Variants in CA8 observed in about 807,000 individuals in gnomAD.
CA8 encodes carbonic anhydrase-related protein.
Under a neutral mutation model 41.4 loss-of-function variants are expected in CA8, and 22 were observed. The observed-to-expected ratio is 0.53, with a 90% CI of 0.38 to 0.76. The LOEUF is 0.76. Among genes scored for constraint, CA8 ranks in the 30% least tolerant of loss-of-function variants. The pLI is 0.00. For missense variants in CA8, 270 were observed against 352.8 expected (o/e 0.77, Z 1.88); for synonymous variants, 121 against 130.6 (o/e 0.93, Z 0.50).
intron 8 of CA8, among the ~76,000 whole-genome samples, chr8:60,205,148 T>A (rs968345630): frequency 1.1e-4 from 16 of 152,306 alleles, no homozygotes; most frequent in South Asian, 6.2e-4. Context: ...ACCCCATTTT[T>A]CTGGCTTTGT....
chr8:60,267,432 C>T (rs1002131392), intron 2 of CA8, among the ~76,000 whole-genome samples: 4 of 152,184 alleles, frequency 2.6e-5, no homozygotes, highest in Admixed American at 2.6e-4. Flanking sequence ...TTCACATCAA[C>T]AGGAAAGGGA....
rs1554573722 is a variant in CA8, at chr8:60,190,957, T to TATATATATATATATATACAC, written c.*36-973_*36-972insGTGTATATATATATATATAT. On this transcript the variant is annotated intron_variant, in intron 8 of 8. Coordinates refer to ENST00000317995, the MANE Select transcript of CA8 (RefSeq NM_004056.6). Reference sequence around the variant, plus strand: ...CACACACTATATATATATATATATATACACACACACATTTCTACATATGCA... The same window carrying TATATATATATATATATACAC: ...CACACACTATATATATATATATATATATATATATATATATATACACACACACACACATTTCTACATATGCA... 2.0e-3 allele frequency among the ~76,000 whole-genome samples: 213 copies of TATATATATATATATATACAC among 104,186 alleles called. 4 individuals carry two copies. Among genetic ancestry groups the TATATATATATATATATACAC allele is most frequent in the South Asian group, 8.3e-3 (27 of 3,246 alleles). The allele number at this position is 104,186 out of a possible 152,430, so 68.4% of individuals were successfully genotyped here.
intron 7 of CA8, among the ~76,000 whole-genome samples, chr8:60,217,697 A>G (rs537852465): frequency 6.2e-4 from 95 of 152,212 alleles, no homozygotes; most frequent in African/African-American, 2.1e-3. Flanking sequence ...TTGATTCCCT[A>G]TCATGGTAGA....
chr8:60,209,566 T>A (rs1308538517), intron 7 of CA8, among the ~76,000 whole-genome samples: 1 of 152,216 alleles, frequency 6.6e-6, no homozygotes, highest in African/African-American at 2.4e-5. Flanking sequence ...CAAATGAATG[T>A]GCTCTTAAAT....
At chr8:60,204,779 G>C (rs114990758) in intron 8 of CA8, among the ~76,000 whole-genome samples, 2,758 of 152,284 alleles carry the variant, frequency 0.018, 90 homozygotes, top group African/African-American at 0.062. Context: ...TATCAGAGGA[G>C]AGTCCAAGTT....
chr8:60,208,770 T>C lies in CA8; in HGVS notation c.*15A>G, dbSNP rs1205893746. ...CATACCCTCATGAAGACAGACTTGT[T>C]CCTGTCCTCTTTGGCTACTGAAATG... On this transcript the variant is annotated 3_prime_UTR_variant, in exon 8 of 9. Transcript: ENST00000317995. 1.3e-5 allele frequency: 21 copies of C among 1,614,158 alleles called. No individual in the cohort carries two copies. The highest frequency in any genetic ancestry group is 1.7e-5 in the Non-Finnish European group (20 of 1,179,996).
At chr8:60,277,083 C>T (rs1343614350) in intron 2 of CA8, among the ~76,000 whole-genome samples, 1 of 148,056 alleles carries the variant, frequency 6.8e-6, no homozygotes, top group African/African-American at 2.5e-5. Context: ...CGCACCATTG[C>T]ACTCCAGCCT....
chr8:60,260,739 T>C (rs970461728), intron 3 of CA8, among the ~76,000 whole-genome samples: 12 of 152,210 alleles, frequency 7.9e-5, no homozygotes, highest in African/African-American at 2.9e-4. Flanking sequence ...ATTTCTTTAG[T>C]GATATATCTT....
intron 8 of CA8, among the ~76,000 whole-genome samples, chr8:60,194,113 G>A (rs901730427): frequency 6.7e-6 from 1 of 148,824 alleles, no homozygotes; most frequent in African/African-American, 2.6e-5. Flanking sequence ...ATAGCACCCT[G>A]TTTTTTTTGT....
chr8:60,223,347 T>C (rs991444008), intron 6 of CA8, among the ~76,000 whole-genome samples: 4 of 152,132 alleles, frequency 2.6e-5, no homozygotes, highest in African/African-American at 9.7e-5. Flanking sequence ...TGCTGGAGTG[T>C]GGTGGTGTGA....
intron 8 of CA8, among the ~76,000 whole-genome samples, chr8:60,204,428 C>T (rs1326445879): frequency 6.6e-6 from 1 of 152,138 alleles, no homozygotes; most frequent in Non-Finnish European, 1.5e-5. Context: ...AAAAATCATT[C>T]TGAAATTTTT....
chr8:60,232,227 A>C, intron 4 of CA8, 57 bp downstream of exon 4: 1 of 1,365,594 alleles, frequency 7.3e-7, no homozygotes, highest in Non-Finnish European at 1.0e-6. Context: ...AAATTTTACA[A>C]AATGATTTAG....
chr8:60,222,751 C>A lies in CA8; in HGVS notation c.636G>T (p.Leu212=). The A allele has an allele frequency of 6.2e-7, 1 of 1,611,538 alleles. No individual in the cohort carries two copies. Among genetic ancestry groups the A allele is most frequent in the Non-Finnish European group, 8.5e-7 (1 of 1,177,618 alleles). The part of the protein sequence containing the change: ...NPNTLLPDPL[L]RDYWVYEGSL... The stretch of plus-strand genomic sequence containing the variant: ...AGCCTTCATACACCCAGTAATCCCG[C>A]AGCAGAGGGTCTGCACAGCCACGTG... The change falls in exon 7 of 9, where the codon CTG becomes CTT. Residue 212 remains leucine, a synonymous_variant. Coordinates refer to ENST00000317995, the MANE Select transcript of CA8 (RefSeq NM_004056.6).
At chr8:60,201,230 A>C (rs1806418929) in intron 8 of CA8, among the ~76,000 whole-genome samples, 1 of 152,232 alleles carries the variant, frequency 6.6e-6, no homozygotes. Context: ...CATCTAAAAG[A>C]AAAGTTCTAC....
intron 7 of CA8, among the ~76,000 whole-genome samples, chr8:60,219,669 C>T (rs141547754): frequency 6.6e-6 from 1 of 152,108 alleles, no homozygotes; most frequent in East Asian, 1.9e-4. Context: ...AAATAAACTG[C>T]AGTGTTGAAG....
At chr8:60,253,362 A>G (rs1808515884) in intron 3 of CA8, among the ~76,000 whole-genome samples, 1 of 152,142 alleles carries the variant, frequency 6.6e-6, no homozygotes. Flanking sequence ...TTTTCTATTA[A>G]GTGTACCACG....
chr8:60,226,946 T>C lies in CA8; in HGVS notation c.514-11A>G, dbSNP rs756641698. On this transcript the variant is annotated splice_polypyrimidine_tract_variant and intron_variant, in intron 4 of 8. Coordinates refer to ENST00000317995, the MANE Select transcript of CA8 (RefSeq NM_004056.6). ...ATGTTCCTTTCCTATCTGAAAAACA[T>C]AAAGCATAAACCACAACCACAACAT... The C allele has an allele frequency of 2.5e-6, 4 of 1,590,138 alleles. No individual in the cohort carries two copies. The highest frequency in any genetic ancestry group is 1.3e-5 in the African/African-American group (1 of 74,322).
At chr8:60,208,358 C>A in intron 8 of CA8, 2 of 228,612 alleles carry the variant, frequency 8.7e-6, no homozygotes, top group Non-Finnish European at 1.7e-5. Context: ...GAGGCTCACA[C>A]GCTCCCCAAG....
Position 60,186,780 on chromosome 8 carries a change from T to C in CA8, c.*3241A>G, listed in dbSNP as rs779127712. Reference sequence around the variant, plus strand: ...AGCTATATTAATATCTGACAAAGTATATATTAAAATAAAAAAATGTTACTA... The same window carrying C: ...AGCTATATTAATATCTGACAAAGTACATATTAAAATAAAAAAATGTTACTA... On this transcript the variant is annotated 3_prime_UTR_variant, in exon 9 of 9. Transcript: ENST00000317995. Among the ~76,000 whole-genome samples, 13 of 139,398 alleles carry C rather than the reference T, an allele frequency of 9.3e-5. No individual in the cohort carries two copies. The highest frequency in any genetic ancestry group is 1.9e-4 in the Non-Finnish European group (12 of 61,652). 91.5% of individuals were successfully genotyped at this position (139,398 alleles called of 152,430 possible).
Sources: allele counts gnomAD v4.1 joint callset (sites outside exome capture counted in the v4.1 genomes callset), GRCh38; gene constraint gnomAD v4.1.1; transcripts MANE v1.5; gene names NCBI Gene and HGNC (gene_info 2026-07-23, HGNC 2026-07-21).